SAMD4A: variants seen among roughly 807,000 people sequenced by gnomAD.
SAMD4A encodes protein Smaug homolog 1.
Under a neutral mutation model 81.3 loss-of-function variants are expected in SAMD4A, and 33 were observed. That is an observed-to-expected ratio of 0.41 (90% confidence interval 0.31 to 0.54). The LOEUF is 0.54. SAMD4A is among the 20% of genes least tolerant of loss of function. SAMD4A has a pLI of 0.37. For synonymous variants in SAMD4A, 389 were observed against 382.1 expected, an observed-to-expected ratio of 1.02 and a Z score of -0.21; for missense variants, 854 against 951.1, an observed-to-expected ratio of 0.90 and a Z score of 1.34.
intron 2 of SAMD4A, chr14:54,696,759 C>T (rs992456371): frequency 6.6e-6 from 1 of 152,204 alleles, no homozygotes; most frequent in African/African-American, 2.4e-5. Flanking sequence ...TCCTATGTCA[C>T]TGGTTTACAA....
intron 6 of SAMD4A, among the ~76,000 whole-genome samples, chr14:54,755,282 A>G (rs4898849): frequency 0.88 from 133,881 of 152,078 alleles, 59,182 homozygotes; most frequent in African/African-American, 0.96. Context: ...TAGGTCCATG[A>G]GAAGGGTTGA....
intron 2 of SAMD4A, among the ~76,000 whole-genome samples, chr14:54,691,842 T>A (rs867795390): frequency 1.3e-5 from 2 of 152,236 alleles, no homozygotes; most frequent in Non-Finnish European, 2.9e-5. Flanking sequence ...CAGGCCTTTC[T>A]TTCCAAAAAG....
chr14:54,666,863 A>C (rs2035769338), intron 2 of SAMD4A, among the ~76,000 whole-genome samples: 1 of 152,192 alleles, frequency 6.6e-6, no homozygotes, highest in Non-Finnish European at 1.5e-5. Context: ...AACACTGTCA[A>C]ATCATGGGAG....
At chr14:54,623,387 T>G (rs941521471) in intron 2 of SAMD4A, among the ~76,000 whole-genome samples, 9 of 146,800 alleles carry the variant, frequency 6.1e-5, no homozygotes, top group African/African-American at 2.3e-4. Context: ...TTAAAGACCC[T>G]GAGCAGGTTG....
chr14:54,726,812 T>C (rs1220760966), intron 3 of SAMD4A, among the ~76,000 whole-genome samples: 1 of 152,058 alleles, frequency 6.6e-6, no homozygotes, highest in African/African-American at 2.4e-5. Flanking sequence ...CAGCCAAGGT[T>C]GAGAACCACC....
intron 11 of SAMD4A, among the ~76,000 whole-genome samples, chr14:54,778,050 C>A (rs1162504112): frequency 6.6e-6 from 1 of 152,154 alleles, no homozygotes; most frequent in Non-Finnish European, 1.5e-5. Flanking sequence ...TTGAAGAGGT[C>A]CTGCGCACAA....
intron 2 of SAMD4A, among the ~76,000 whole-genome samples, chr14:54,602,570 C>T (rs1035352094): frequency 1.3e-5 from 2 of 151,950 alleles, no homozygotes; most frequent in Admixed American, 1.3e-4. Context: ...CCTTCTCAGC[C>T]CTGTTGGGGC....
intron 2 of SAMD4A, among the ~76,000 whole-genome samples, chr14:54,604,071 C>G (rs752562153): frequency 1.2e-4 from 18 of 152,214 alleles, no homozygotes; most frequent in Non-Finnish European, 2.5e-4. Context: ...GATCCACCCA[C>G]CTCGGCCTCC....
intron 2 of SAMD4A, among the ~76,000 whole-genome samples, chr14:54,592,381 T>G (rs1427851460): frequency 1.3e-5 from 2 of 152,216 alleles, no homozygotes; most frequent in African/African-American, 4.8e-5. Flanking sequence ...TCCTCTTTCC[T>G]TCCCCAAATA....
chr14:54,626,021 T>G lies in SAMD4A; in HGVS notation c.196+57909T>G, dbSNP rs899228056. 9.9e-5 allele frequency among the ~76,000 whole-genome samples: 7 copies of G among 70,506 alleles called. No homozygotes were observed. The East Asian group carries it at 3.3e-3, about 33-fold the overall frequency. The allele number at this position is 70,506 out of a possible 152,430, so 46.3% of individuals were successfully genotyped here. A position where few individuals can be genotyped will look rare whatever the true frequency, so the allele number is the denominator to read the frequency against. On this transcript the variant is annotated intron_variant, in intron 2 of 12. Transcript: ENST00000554335. ...AATAGCAGCTCTACTGCTAGGTGTG[T>G]GTGTGTGTGTGTGTGTGTGTGTGTG...
At chr14:54,619,907 G>C (rs768471476) in intron 2 of SAMD4A, among the ~76,000 whole-genome samples, 1 of 152,172 alleles carries the variant, frequency 6.6e-6, no homozygotes, top group East Asian at 1.9e-4. Flanking sequence ...ACAGGGTCAG[G>C]TAAGTCAGTT....
intron 3 of SAMD4A, among the ~76,000 whole-genome samples, chr14:54,723,629 G>C (rs1027729398): frequency 6.6e-6 from 1 of 152,220 alleles, no homozygotes; most frequent in Non-Finnish European, 1.5e-5. Context: ...TTCATGGAAA[G>C]TGTTACTTAG....
intron 11 of SAMD4A, among the ~76,000 whole-genome samples, chr14:54,783,656 C>T (rs979438583): frequency 3.9e-5 from 6 of 152,190 alleles, no homozygotes; most frequent in African/African-American, 1.4e-4. Context: ...GGCTGAGCCC[C>T]GGCTCTGGAG....
intron 2 of SAMD4A, among the ~76,000 whole-genome samples, chr14:54,580,370 G>C (rs1406916684): frequency 6.6e-6 from 1 of 152,176 alleles, no homozygotes; most frequent in Non-Finnish European, 1.5e-5. Context: ...TCACAATAAA[G>C]CACAGTTTGT....
chr14:54,727,386 C>T (rs1173061248), intron 3 of SAMD4A, among the ~76,000 whole-genome samples: 1 of 151,682 alleles, frequency 6.6e-6, no homozygotes, highest in African/African-American at 2.4e-5. Flanking sequence ...GACAGGGTTT[C>T]ACCATGTTAG....
chr14:54,626,908 T>C (rs2034777366), intron 2 of SAMD4A, among the ~76,000 whole-genome samples: 2 of 152,210 alleles, frequency 1.3e-5, no homozygotes, highest in Non-Finnish European at 2.9e-5. Flanking sequence ...TCAGGGAAGT[T>C]AAATAGTTTG....
chr14:54,701,852 A>G (rs954979510), intron 2 of SAMD4A, among the ~76,000 whole-genome samples: 1 of 152,240 alleles, frequency 6.6e-6, no homozygotes, highest in Non-Finnish European at 1.5e-5. Context: ...AGTACTCAAT[A>G]TCTAAGAATG....
chr14:54,708,829 A>G (rs958646889), intron 3 of SAMD4A, among the ~76,000 whole-genome samples: 4 of 152,228 alleles, frequency 2.6e-5, no homozygotes, highest in African/African-American at 9.6e-5. Context: ...CACTTAGCAC[A>G]TGGTAGGTAA....
At chr14:54,752,292 A>G (rs1055105879) in intron 6 of SAMD4A, among the ~76,000 whole-genome samples, 2 of 152,216 alleles carry the variant, frequency 1.3e-5, no homozygotes, top group Admixed American at 6.5e-5. Flanking sequence ...GATTTCATCT[A>G]AGATCCAAAG....
Sources: allele counts gnomAD v4.1 joint callset (sites outside exome capture counted in the v4.1 genomes callset), GRCh38; gene constraint gnomAD v4.1.1; transcripts MANE v1.5; gene names NCBI Gene and HGNC (gene_info 2026-07-23, HGNC 2026-07-21).